The following CCDC171 variants were observed in gnomAD, a reference collection of about 807,000 sequenced individuals.
CCDC171 encodes the protein coiled-coil domain containing 171, also known as coiled-coil domain-containing protein 171.
A neutral mutation model predicts 168.2 loss-of-function variants in CCDC171; 177 were observed. The ratio of observed to expected loss-of-function variants is 1.05; its 90% confidence interval spans 0.93 to 1.19. CCDC171 has a LOEUF of 1.19. CCDC171 is among the 50% of genes most tolerant of loss of function. The pLI, the probability that CCDC171 is intolerant of heterozygous loss-of-function variation, is 0.00. For synonymous variants in CCDC171, 687 were observed against 540.8 expected, an observed-to-expected ratio of 1.27 and a Z score of -3.75; for missense variants, 1,991 against 1,539.0, an observed-to-expected ratio of 1.29 and a Z score of -4.91.
At chr9:16,065,800 T>TGTGTGCATG (rs1336946418), downstream of CCDC171, among the ~76,000 whole-genome samples, 7 of 140,068 alleles carry the variant, frequency 5.0e-5, no homozygotes, top group African/African-American at 2.0e-4. Flanking sequence ...CCTATGGGTT[T>TGTGTGCATG]GTGTGCATGG....
chr9:16,079,509 A>G, the CCDC171 span, among the ~76,000 whole-genome samples: 2 of 152,244 alleles, frequency 1.3e-5, no homozygotes, highest in African/African-American at 4.8e-5. Context: ...TAAATCAAAG[A>G]GCACCAAAGA....
chr9:15,963,391 T>G (rs1830526143), intron 25 of CCDC171, among the ~76,000 whole-genome samples: 1 of 152,190 alleles, frequency 6.6e-6, no homozygotes, highest in African/African-American at 2.4e-5. Flanking sequence ...TAAAAATGCT[T>G]CAGTGAACAT....
chr9:15,911,747 G>C (rs10962212), intron 24 of CCDC171, among the ~76,000 whole-genome samples: 50,120 of 152,066 alleles, frequency 0.33, 10,248 homozygotes, highest in East Asian at 0.62. Context: ...AGGGGGTCCA[G>C]TTTCAGTTTT....
intron 1 of CCDC171, among the ~76,000 whole-genome samples, chr9:16,045,606 C>A (rs1402782532): frequency 6.6e-6 from 1 of 152,160 alleles, no homozygotes; most frequent in Non-Finnish European, 1.5e-5. Context: ...GTAGTCTGGC[C>A]ACCATGCTCT....
intron 18 of CCDC171, among the ~76,000 whole-genome samples, chr9:15,757,584 C>T (rs545141255): frequency 2.6e-5 from 4 of 152,314 alleles, no homozygotes; most frequent in South Asian, 2.1e-4. Context: ...AAGTGGGCTG[C>T]GGAAATTTGC....
chr9:15,588,786 C>G (rs1469762337), intron 4 of CCDC171, among the ~76,000 whole-genome samples: 1 of 150,316 alleles, frequency 6.7e-6, no homozygotes, highest in East Asian at 2.0e-4. Flanking sequence ...CGGCTCACTG[C>G]AAGCTCCACC....
chr9:15,708,612 G>C (rs1196485625), intron 11 of CCDC171, among the ~76,000 whole-genome samples: 1 of 152,050 alleles, frequency 6.6e-6, no homozygotes, highest in Non-Finnish European at 1.5e-5. Context: ...AGCCAGGAAT[G>C]ACCCACGGAT....
At chr9:15,788,588 G>GTT (rs753248504) in intron 21 of CCDC171, among the ~76,000 whole-genome samples, 4 of 140,434 alleles carry the variant, frequency 2.8e-5, no homozygotes, top group Non-Finnish European at 3.1e-5. Flanking sequence ...ATATGTTTTT[G>GTT]TTTTTTTTTT....
intron 18 of CCDC171, among the ~76,000 whole-genome samples, chr9:15,773,021 G>T (rs58517712): frequency 0.45 from 67,618 of 151,490 alleles, 15,389 homozygotes; most frequent in Non-Finnish European, 0.49. Flanking sequence ...TACAATATTA[G>T]TAATTATTTT....
chr9:16,041,467 G>A (rs1296557372), upstream of CCDC171, among the ~76,000 whole-genome samples: 1 of 152,348 alleles, frequency 6.6e-6, no homozygotes, highest in East Asian at 1.9e-4. Context: ...GAAGTCAGGC[G>A]AAGAAGCTGG....
rs181586153 is a variant in CCDC171 at position 15,742,851 on chromosome 9, C to A, written c.2050-1422C>A. 1.0e-3 allele frequency among the ~76,000 whole-genome samples: 157 copies of A among 151,938 alleles called. 1 individual carries two copies. Among genetic ancestry groups the A allele is most frequent in the African/African-American group, 3.7e-3 (151 of 41,366 alleles). Reference sequence around the variant, plus strand: ...ACAGGGTCTTGCACTGTCACCTAGGCTGGTCTCAAATTCCTGGACTAAAGA... The same window carrying A: ...ACAGGGTCTTGCACTGTCACCTAGGATGGTCTCAAATTCCTGGACTAAAGA... On this transcript the variant is annotated intron_variant, in intron 16 of 25. Coordinates refer to ENST00000380701, the MANE Select transcript of CCDC171 (RefSeq NM_173550.4).
chr9:15,790,547 G>T (rs763813380), intron 21 of CCDC171, among the ~76,000 whole-genome samples: 1 of 152,134 alleles, frequency 6.6e-6, no homozygotes, highest in Non-Finnish European at 1.5e-5. Context: ...CCTGTAGGTT[G>T]CCTGTTCACT....
intron 4 of CCDC171, among the ~76,000 whole-genome samples, chr9:15,584,929 TCAAA>T (rs1034216736): frequency 6.6e-6 from 1 of 152,008 alleles, no homozygotes; most frequent in Non-Finnish European, 1.5e-5. Flanking sequence ...TTGCTCAGAG[TCAAA>T]CAATTTCAAC....
At position 15,920,400 on chromosome 9, in the gene CCDC171, G is replaced by A. The variant is rs1446590594; in HGVS notation, c.3731G>A (p.Arg1244His). 1.2e-5 allele frequency: 20 copies of A among 1,606,108 alleles called. No homozygotes were observed. Among genetic ancestry groups the A allele is most frequent in the African/African-American group, 4.0e-5 (3 of 74,634 alleles). The change falls in exon 25 of 26, where the codon CGT becomes CAT. Residue 1244 changes from arginine (R) to histidine (H), a missense_variant. Arg to His is a conservative substitution (Grantham distance 29). Coordinates refer to ENST00000380701, the MANE Select transcript of CCDC171 (RefSeq NM_173550.4). ...TCAGAACTTCACACAGCTTGTTTACGTGAAAATGCAAGTTTACAATCAGTA... is the reference window on the plus strand; with the variant it reads ...TCAGAACTTCACACAGCTTGTTTACATGAAAATGCAAGTTTACAATCAGTA... ...LKSELHTACL[R>H]ENASLQSIGS...
intron 2 of CCDC171, among the ~76,000 whole-genome samples, chr9:15,566,494 G>C (rs2039739176): frequency 6.6e-6 from 1 of 152,216 alleles, no homozygotes; most frequent in South Asian, 2.1e-4. Flanking sequence ...GGGAGGCGGA[G>C]ATTGCAGTGA....
At chr9:15,904,866 G>A (rs1202890793) in intron 24 of CCDC171, among the ~76,000 whole-genome samples, 8 of 151,694 alleles carry the variant, frequency 5.3e-5, no homozygotes, top group Non-Finnish European at 2.9e-5. Flanking sequence ...GGCAGGGGTT[G>A]CAATCCTAGT....
intron 11 of CCDC171, among the ~76,000 whole-genome samples, chr9:15,702,700 C>T (rs1436468635): frequency 6.6e-6 from 1 of 152,170 alleles, no homozygotes; most frequent in East Asian, 1.9e-4. Flanking sequence ...TAGCTACCTG[C>T]ATCGGGGATT....
At chr9:15,594,396 TTTTAAGA>T (rs2042195812) in intron 6 of CCDC171, among the ~76,000 whole-genome samples, 1 of 152,142 alleles carries the variant, frequency 6.6e-6, no homozygotes, top group South Asian at 2.1e-4. Flanking sequence ...CTTATGTGAT[TTTTAAGA>T]AGGATGTATA....
At chr9:15,580,101 CA>C (rs1341514849) in intron 4 of CCDC171, among the ~76,000 whole-genome samples, 2 of 152,040 alleles carry the variant, frequency 1.3e-5, no homozygotes, top group African/African-American at 4.8e-5. Context: ...ACAAAGCAAA[CA>C]AAAACATAAA....
Sources: gnomAD v4.1 joint callset for allele counts (sites outside exome capture counted in the v4.1 genomes callset) on GRCh38, gnomAD v4.1.1 for gene constraint, MANE v1.5 for transcripts, NCBI Gene and HGNC (gene_info 2026-07-23, HGNC 2026-07-21) for gene names.